SERGEF: variants seen among roughly 807,000 people sequenced by gnomAD.
The protein encoded by SERGEF is secretion regulating guanine nucleotide exchange factor.
A neutral mutation model predicts 50.0 loss-of-function variants in SERGEF; 51 were observed. That is an observed-to-expected ratio of 1.02 (90% CI 0.81 to 1.29). The LOEUF (loss-of-function observed/expected upper bound fraction) is 1.29. Ranked by LOEUF, SERGEF falls within the 50% of genes most tolerant of loss-of-function variation. The pLI is 0.00. For missense variants in SERGEF, 521 were observed against 557.0 expected, an observed-to-expected ratio of 0.94 and a Z score of 0.65; for synonymous variants, 205 against 212.4, an observed-to-expected ratio of 0.97 and a Z score of 0.30.
At chr11:17,969,213 G>A (rs1853194367) in intron 8 of SERGEF, among the ~76,000 whole-genome samples, 1 of 152,118 alleles carries the variant, frequency 6.6e-6, no homozygotes, top group African/African-American at 2.4e-5. Flanking sequence ...CCAGGGTCCA[G>A]CAGCACATCA....
chr11:17,872,929 C>A (rs1467088030), intron 10 of SERGEF, among the ~76,000 whole-genome samples: 1 of 149,180 alleles, frequency 6.7e-6, no homozygotes, highest in Non-Finnish European at 1.5e-5. Context: ...AGGATAAAAA[C>A]ATATCTTAGT....
chr11:17,988,486 G>T, intron 8 of SERGEF, 111 bp downstream of exon 8: 2 of 1,025,828 alleles, frequency 1.9e-6, no homozygotes, highest in Non-Finnish European at 2.8e-6. Context: ...CCCCATCTCT[G>T]ATCTTTAAGC....
chr11:18,007,130 G>A (rs1195241201), intron 2 of SERGEF, among the ~76,000 whole-genome samples: 1 of 152,264 alleles, frequency 6.6e-6, no homozygotes, highest in African/African-American at 2.4e-5. Flanking sequence ...GGCCCACAGA[G>A]TGGCTTAATT....
chr11:17,910,812 C>A (rs2133929531), intron 9 of SERGEF, among the ~76,000 whole-genome samples: 2 of 151,842 alleles, frequency 1.3e-5, no homozygotes, highest in African/African-American at 2.4e-5. Context: ...AAAGGCAAAA[C>A]CAAAAATCTG....
intron 9 of SERGEF, among the ~76,000 whole-genome samples, chr11:17,947,882 A>G (rs1478839567): frequency 6.6e-6 from 1 of 152,160 alleles, no homozygotes; most frequent in African/African-American, 2.4e-5. Context: ...CATGTAGTCA[A>G]TGTTCGACAA....
intron 4 of SERGEF, chr11:18,002,175 G>T: frequency 2.7e-6 from 1 of 368,504 alleles, no homozygotes; most frequent in East Asian, 7.5e-5. Context: ...AAAACTAACT[G>T]AAGGGCTTTA....
Position 17,878,207 on chromosome 11 carries a change from C to T in SERGEF, c.1048+1G>A, listed in dbSNP as rs1211100158. Reference sequence around the variant, plus strand: ...CAGTTATCAGTATAAAAATTACTTACCAATTATTGCCAAATTATGCTCTGA... The same window carrying T: ...CAGTTATCAGTATAAAAATTACTTATCAATTATTGCCAAATTATGCTCTGA... On this transcript the variant is annotated splice_donor_variant, in intron 10 of 10. Coordinates refer to ENST00000265965, the MANE Select transcript of SERGEF (RefSeq NM_012139.4). LOFTEE classifies it high-confidence loss of function. 1 of 1,576,438 alleles carries T rather than the reference C, an allele frequency of 6.3e-7. No homozygotes were observed. Among genetic ancestry groups the T allele is most frequent in the Non-Finnish European group, 8.7e-7 (1 of 1,152,252 alleles).
intron 9 of SERGEF, among the ~76,000 whole-genome samples, chr11:17,929,351 G>A (rs562345385): frequency 6.6e-6 from 1 of 152,242 alleles, no homozygotes; most frequent in Admixed American, 6.5e-5. Context: ...GAGGATAATA[G>A]GGCAGCTCAG....
At chr11:17,826,210 G>A (rs975970890) in intron 10 of SERGEF, among the ~76,000 whole-genome samples, 2 of 152,128 alleles carry the variant, frequency 1.3e-5, no homozygotes, top group African/African-American at 4.8e-5. Flanking sequence ...TCAAGAATTC[G>A]AAAACTGTTG....
intron 10 of SERGEF, among the ~76,000 whole-genome samples, chr11:17,875,538 T>G (rs1223846338): frequency 1.3e-5 from 2 of 152,262 alleles, no homozygotes; most frequent in East Asian, 3.8e-4. Context: ...TTCGCTTCTA[T>G]GTGCGCTGGG....
intron 10 of SERGEF, among the ~76,000 whole-genome samples, chr11:17,833,770 G>C (rs1345008796): frequency 6.6e-6 from 1 of 152,192 alleles, no homozygotes; most frequent in Admixed American, 6.5e-5. Context: ...TGCCCCGCTG[G>C]ATTCTGGACT....
chr11:17,797,376 C>G (rs750359920), intron 10 of SERGEF, among the ~76,000 whole-genome samples: 1 of 152,206 alleles, frequency 6.6e-6, no homozygotes, highest in Non-Finnish European at 1.5e-5. Flanking sequence ...ACAGTACTTG[C>G]CTCAGGACCT....
In SERGEF at chr11:17,995,899, G is replaced by A. The variant is rs754318618; in HGVS notation, c.519C>T (p.Ile173=). Residue 173 remains isoleucine, a synonymous_variant, in exon 6 of 11, where the codon ATC becomes ATT. Coordinates refer to ENST00000265965, the MANE Select transcript of SERGEF (RefSeq NM_012139.4). ...RHAVAATASG[I]VFQWGTGLAS... ...CCAAACCAGTCCCCCACTGGAACAC[G>A]ATGCCACTCGCTTCCCAACAGAATG... The A allele has an allele frequency of 3.7e-6, 6 of 1,611,870 alleles. No homozygotes were observed. The highest frequency in any genetic ancestry group is 1.3e-5 in the African/African-American group (1 of 74,838).
At chr11:17,910,888 G>A (rs923456735) in intron 9 of SERGEF, among the ~76,000 whole-genome samples, 4 of 152,210 alleles carry the variant, frequency 2.6e-5, no homozygotes, top group African/African-American at 9.6e-5. Context: ...AGGGTGGCCA[G>A]GAGGGCCTCG....
At position 17,819,793 on chromosome 11, in the gene SERGEF, G is replaced by A. The variant is rs545840776; in HGVS notation, c.1049-31380C>T. On this transcript the variant is annotated intron_variant, in intron 10 of 10. Transcript: ENST00000265965. ...CCTCACACATCAAAGAACCAGAGGT[G>A]CTGGGCAAAACTCTACGATGGTAAA... Among the ~76,000 whole-genome samples the A allele has an allele frequency of 5.9e-5, 9 of 152,330 alleles. No individual in the cohort carries two copies. In the East Asian group the frequency reaches 1.5e-3, roughly 26 times the overall value.
intron 9 of SERGEF, among the ~76,000 whole-genome samples, chr11:17,891,367 T>A (rs1182442750): frequency 6.6e-6 from 1 of 152,198 alleles, no homozygotes. Flanking sequence ...GATCCTGGGC[T>A]GCATTACATT....
At chr11:17,919,770 T>C (rs934006487) in intron 9 of SERGEF, among the ~76,000 whole-genome samples, 8 of 152,076 alleles carry the variant, frequency 5.3e-5, no homozygotes, top group Non-Finnish European at 1.0e-4. Flanking sequence ...TCCCCAGATA[T>C]CTGCATGGCT....
At chr11:17,826,161 A>T (rs1393337256) in intron 10 of SERGEF, among the ~76,000 whole-genome samples, 1 of 152,234 alleles carries the variant, frequency 6.6e-6, no homozygotes, top group Admixed American at 6.5e-5. Flanking sequence ...ACTTGACATG[A>T]ATTATATCAT....
chr11:17,981,871 G>C (rs1853502290), intron 8 of SERGEF, among the ~76,000 whole-genome samples: 1 of 152,086 alleles, frequency 6.6e-6, no homozygotes, highest in Non-Finnish European at 1.5e-5. Flanking sequence ...CGCAACCTTA[G>C]CTTACTGCAA....
Sources: allele counts gnomAD v4.1 joint callset (sites outside exome capture counted in the v4.1 genomes callset), GRCh38; gene constraint gnomAD v4.1.1; transcripts MANE v1.5; gene names NCBI Gene and HGNC (gene_info 2026-07-23, HGNC 2026-07-21).